TCAIM: variants seen among roughly 807,000 people sequenced by gnomAD.
The protein encoded by TCAIM is T-cell activation inhibitor, mitochondrial.
Under a neutral mutation model 58.6 loss-of-function variants are expected in TCAIM, and 36 were observed. The observed-to-expected ratio is 0.61, with a 90% CI of 0.47 to 0.81. TCAIM has a LOEUF of 0.81. Among genes scored for constraint, TCAIM ranks in the 30% least tolerant of loss-of-function variants. The pLI is 0.00. For missense variants in TCAIM, 466 were observed against 579.6 expected, an observed-to-expected ratio of 0.80 and a Z score of 2.01; for synonymous variants, 172 against 193.6, an observed-to-expected ratio of 0.89 and a Z score of 0.93.
At chr3:44,358,330 T>A (rs187426580) in intron 3 of TCAIM, 3 of 793,516 alleles carry the variant, frequency 3.8e-6, no homozygotes, top group Non-Finnish European at 6.4e-6. Flanking sequence ...CAAACTGATA[T>A]GAAAAATGAC....
At chr3:44,396,962 T>A in intron 8 of TCAIM, 128 bp downstream of exon 8, 1 of 815,480 alleles carries the variant, frequency 1.2e-6, no homozygotes, top group Non-Finnish European at 1.9e-6. Context: ...ATGTTTTTAA[T>A]CGCAGTATCA....
intron 5 of TCAIM, among the ~76,000 whole-genome samples, chr3:44,377,887 A>C (rs1008612986): frequency 5.3e-5 from 8 of 152,234 alleles, no homozygotes; most frequent in African/African-American, 1.7e-4. Flanking sequence ...GGGGCTGGCA[A>C]AGATTTCATG....
At chr3:44,399,021 G>A (rs1701982857) in intron 8 of TCAIM, among the ~76,000 whole-genome samples, 1 of 152,174 alleles carries the variant, frequency 6.6e-6, no homozygotes, top group Non-Finnish European at 1.5e-5. Context: ...TAGAGAGAGG[G>A]GAGCAGAGGT....
At chr3:44,378,267 G>C (rs533842294) in intron 5 of TCAIM, among the ~76,000 whole-genome samples, 1 of 152,102 alleles carries the variant, frequency 6.6e-6, no homozygotes, top group Non-Finnish European at 1.5e-5. Flanking sequence ...TGTAATCCCA[G>C]CTCTCAGGAG....
intron 10 of TCAIM, among the ~76,000 whole-genome samples, chr3:44,406,358 T>C (rs1241421221): frequency 6.6e-6 from 1 of 152,236 alleles, no homozygotes; most frequent in Non-Finnish European, 1.5e-5. Flanking sequence ...TCCCCTGCTA[T>C]TGATAGAAGT....
chr3:44,378,593 G>A (rs977993761), intron 5 of TCAIM, among the ~76,000 whole-genome samples: 5 of 151,188 alleles, frequency 3.3e-5, no homozygotes, highest in South Asian at 4.2e-4. Context: ...TAAGGCAGGC[G>A]AATCAAAGGC....
At position 44,407,675 on chromosome 3, in the gene TCAIM, T is replaced by G; in HGVS notation, c.1484T>G (p.Ile495Ser). ...TGGAATTGGAAGAATGGAGAAGCCA[T>G]TAAGTAACACAGAAATCTGTTTTAT... ...IPWNWKNGEAIK is the reference protein window; with the variant it reads ...IPWNWKNGEASK Residue 495 changes from isoleucine (I) to serine (S), a missense_variant, in exon 11 of 11, where the codon ATT (isoleucine) becomes AGT (serine). Transcript: ENST00000342649. The G allele has an allele frequency of 6.3e-7, 1 of 1,589,644 alleles. No homozygotes were observed. Among genetic ancestry groups the G allele is most frequent in the Non-Finnish European group, 8.5e-7 (1 of 1,172,052 alleles).
chr3:44,387,037 ATCC>A (rs959334232), intron 5 of TCAIM, among the ~76,000 whole-genome samples: 7 of 152,098 alleles, frequency 4.6e-5, no homozygotes, highest in African/African-American at 1.7e-4. Flanking sequence ...CACCAGGAAA[ATCC>A]TCCTTTCTGA....
chr3:44,400,882 T>C, intron 9 of TCAIM: 1 of 489,476 alleles, frequency 2.0e-6, no homozygotes, highest in Non-Finnish European at 3.6e-6. Context: ...TAGCCAACAT[T>C]TGTGGTGTAT....
At chr3:44,347,977 A>G (rs568820440) in intron 1 of TCAIM, among the ~76,000 whole-genome samples, 2 of 152,130 alleles carry the variant, frequency 1.3e-5, no homozygotes, top group Non-Finnish European at 2.9e-5. Context: ...AAAGCAGATA[A>G]TTTAGTTAAA....
chr3:44,347,976 A>C (rs1283890805), intron 1 of TCAIM, among the ~76,000 whole-genome samples: 1 of 152,140 alleles, frequency 6.6e-6, no homozygotes, highest in African/African-American at 2.4e-5. Flanking sequence ...GAAAGCAGAT[A>C]ATTTAGTTAA....
At chr3:44,372,157 C>T (rs373062001) in intron 5 of TCAIM, among the ~76,000 whole-genome samples, 9 of 152,178 alleles carry the variant, frequency 5.9e-5, no homozygotes, top group East Asian at 1.9e-4. Context: ...GGGCCAACTG[C>T]GGGACCTGAG....
At chr3:44,347,188 A>G (rs1236373014) in intron 1 of TCAIM, among the ~76,000 whole-genome samples, 2 of 152,132 alleles carry the variant, frequency 1.3e-5, no homozygotes, top group African/African-American at 2.4e-5. Context: ...GATGAGGAAG[A>G]AATTTGGGTT....
intron 10 of TCAIM, among the ~76,000 whole-genome samples, chr3:44,403,199 G>A (rs1702048671): frequency 6.6e-6 from 1 of 152,138 alleles, no homozygotes; most frequent in Non-Finnish European, 1.5e-5. Context: ...AACCTGGGAG[G>A]TGGAGCTTGC....
At chr3:44,367,093 T>A (rs1701391957) in intron 4 of TCAIM, among the ~76,000 whole-genome samples, 1 of 152,138 alleles carries the variant, frequency 6.6e-6, no homozygotes, top group African/African-American at 2.4e-5. Flanking sequence ...CACCTGCTTA[T>A]AGGAGAGCTT....
intron 1 of TCAIM, among the ~76,000 whole-genome samples, chr3:44,345,276 C>T (rs1700943406): frequency 6.6e-6 from 1 of 151,800 alleles, no homozygotes; most frequent in African/African-American, 2.4e-5. Context: ...GGCCTGGATA[C>T]GGTTTTGTAT....
rs180690205 is a variant in TCAIM at position 44,352,089 on chromosome 3, A to G, written c.-44-2650A>G. Among the ~76,000 whole-genome samples the G allele has an allele frequency of 4.3e-4, 62 of 145,860 alleles. No homozygotes were observed. In the East Asian group the frequency reaches 6.7e-3, roughly 16 times the overall value. On this transcript the variant is annotated intron_variant, in intron 1 of 10. Transcript: ENST00000342649. ...TAAAGTCATATATATGTGTGTGTGT[A>G]TATATATATATATTATATATATAAA... is the stretch of plus-strand genomic sequence containing the variant.
In TCAIM at chr3:44,343,902, G is replaced by A. The variant is rs115028665; in HGVS notation, c.-45+5068G>A. On this transcript the variant is annotated intron_variant, in intron 1 of 10. Coordinates refer to ENST00000342649, the MANE Select transcript of TCAIM (RefSeq NM_173826.4). ...GTCCTTTATTAGTCATTTCTCAGTAGTAGTTTAGTTATACTCTGTGATTAC... is the reference window on the plus strand; with the variant it reads ...GTCCTTTATTAGTCATTTCTCAGTAATAGTTTAGTTATACTCTGTGATTAC... 8.9e-3 allele frequency among the ~76,000 whole-genome samples: 1,355 copies of A among 152,024 alleles called. 20 individuals are homozygous for A. The highest frequency in any genetic ancestry group is 0.032 in the African/African-American group (1,308 of 41,484).
intron 6 of TCAIM, among the ~76,000 whole-genome samples, chr3:44,394,031 C>T (rs2125652512): frequency 6.6e-6 from 1 of 152,344 alleles, no homozygotes; most frequent in East Asian, 1.9e-4. Context: ...GAAAAATCGT[C>T]ATCCAGTCTT....
Sources: allele counts gnomAD v4.1 joint callset (sites outside exome capture counted in the v4.1 genomes callset), GRCh38; gene constraint gnomAD v4.1.1; transcripts MANE v1.5; gene names NCBI Gene and HGNC (gene_info 2026-07-23, HGNC 2026-07-21).